Variants in DENND5A observed in about 807,000 individuals in gnomAD.
DENND5A encodes the protein DENN domain-containing protein 5A.
In DENND5A, 64 loss-of-function variants were observed where a neutral mutation model predicts 140.3. The observed-to-expected ratio is 0.46, with a 90% confidence interval of 0.37 to 0.56. The LOEUF (loss-of-function observed/expected upper bound fraction) is 0.56. DENND5A is among the 20% of genes least tolerant of loss of function. DENND5A has a pLI of 0.00. For synonymous variants in DENND5A, 605 were observed against 607.7 expected (o/e 1.00, Z 0.07); for missense variants, 1,292 against 1,593.8 (o/e 0.81, Z 3.22).
chr11:9,164,731 A>G (rs1166838086), intron 11 of DENND5A, among the ~76,000 whole-genome samples: 2 of 152,208 alleles, frequency 1.3e-5, no homozygotes, highest in East Asian at 1.9e-4. Context: ...TAGATATAAG[A>G]TATCATTGCT....
intron 8 of DENND5A, among the ~76,000 whole-genome samples, chr11:9,174,473 A>G (rs1325735691): frequency 1.3e-5 from 2 of 150,888 alleles, no homozygotes; most frequent in Non-Finnish European, 3.0e-5. Flanking sequence ...GACAAAACAG[A>G]TTTCACAGTA....
At chr11:9,179,111 T>G in intron 6 of DENND5A, 38 bp from the exon 7 acceptor site, 1 of 1,572,642 alleles carries the variant, frequency 6.4e-7, no homozygotes, top group Non-Finnish European at 8.7e-7. Context: ...ACACATACAC[T>G]TTTTCCTTTT....
At chr11:9,264,660 C>T (rs895727726) in intron 1 of DENND5A, among the ~76,000 whole-genome samples, 7 of 152,098 alleles carry the variant, frequency 4.6e-5, no homozygotes, top group African/African-American at 1.7e-4. Flanking sequence ...ACAAGCTTTC[C>T]TTTATTTTAA....
At chr11:9,141,808 T>C (rs2136109756) in intron 22 of DENND5A, 132 bp downstream of exon 22, 1 of 746,336 alleles carries the variant, frequency 1.3e-6, no homozygotes, top group Non-Finnish European at 2.0e-6. Context: ...TCAGGGCTTC[T>C]AGGAAACCTT....
intron 1 of DENND5A, among the ~76,000 whole-genome samples, chr11:9,223,358 GT>G (rs1850395317): frequency 6.6e-6 from 1 of 151,868 alleles, no homozygotes; most frequent in African/African-American, 2.4e-5. Context: ...GGCCAACATG[GT>G]GAAAACCCCA....
chr11:9,234,178 CAAAA>C (rs11295091), intron 1 of DENND5A, among the ~76,000 whole-genome samples: 3 of 126,096 alleles, frequency 2.4e-5, no homozygotes, highest in Non-Finnish European at 3.4e-5. Context: ...AACTCCGTCT[CAAAA>C]AAAAAAAAAA....
intron 1 of DENND5A, among the ~76,000 whole-genome samples, chr11:9,226,651 G>A (rs1291149527): frequency 2.6e-5 from 4 of 152,056 alleles, no homozygotes; most frequent in Admixed American, 1.3e-4. Context: ...AAGCAGAGAT[G>A]CTAATTATAA....
intron 4 of DENND5A, among the ~76,000 whole-genome samples, chr11:9,201,473 C>T (rs781410790): frequency 6.6e-6 from 1 of 151,934 alleles, no homozygotes; most frequent in African/African-American, 2.4e-5. Flanking sequence ...GAGTTTGAGA[C>T]CAGCCTGGGC....
chr11:9,256,507 T>C (rs1472466560), intron 1 of DENND5A, among the ~76,000 whole-genome samples: 2 of 152,062 alleles, frequency 1.3e-5, no homozygotes, highest in Non-Finnish European at 2.9e-5. Context: ...CACTAATGGA[T>C]AAACAAATAA....
At chr11:9,244,655 C>A (rs1346375526) in intron 1 of DENND5A, among the ~76,000 whole-genome samples, 1 of 152,136 alleles carries the variant, frequency 6.6e-6, no homozygotes, top group Non-Finnish European at 1.5e-5. Context: ...AGGCATTAGC[C>A]ACCACGCTCA....
chr11:9,257,663 T>C lies in DENND5A; in HGVS notation c.109+7298A>G, dbSNP rs1269489304. Among the ~76,000 whole-genome samples, 40 of 151,308 alleles carry C rather than the reference T, an allele frequency of 2.6e-4. 1 individual carries two copies. The highest frequency in any genetic ancestry group is 8.7e-4 in the African/African-American group (36 of 41,268). ...CACCCGGCTAATTTTTTTGAATTTTTAGTAGAGACAGGGTTTCACCGTGTT... is the reference window on the plus strand; with the variant it reads ...CACCCGGCTAATTTTTTTGAATTTTCAGTAGAGACAGGGTTTCACCGTGTT... On this transcript the variant is annotated intron_variant, in intron 1 of 22. Transcript: ENST00000328194.
intron 1 of DENND5A, among the ~76,000 whole-genome samples, chr11:9,227,205 T>C (rs1850566160): frequency 7.3e-6 from 1 of 137,648 alleles, no homozygotes; most frequent in South Asian, 2.2e-4. Flanking sequence ...AATAAATAAA[T>C]AAATAAGCAA....
In DENND5A at chr11:9,204,264, G is replaced by A; in HGVS notation, c.345C>T (p.Pro115=). 1 of 1,613,784 alleles carries A rather than the reference G, an allele frequency of 6.2e-7. No individual in the cohort carries two copies. Among genetic ancestry groups the A allele is most frequent in the Non-Finnish European group, 8.5e-7 (1 of 1,180,002 alleles). ...TTGTGATAATAAAGGCATGGAATTG[G>A]GGCTCCCTGGGATCAGCCTGGGTCT... The part of the protein sequence containing the change: ...AFKTQADPRE[P]QFHAFIITRE... The change falls in exon 4 of 23, where the codon CCC becomes CCT. Residue 115 remains proline (P), a synonymous_variant. Coordinates refer to ENST00000328194, the MANE Select transcript of DENND5A (RefSeq NM_015213.4).
In DENND5A at chr11:9,194,931, C is replaced by G. The variant is rs186078606; in HGVS notation, c.950-1250G>C. ...ACGGGGTTTCACCACCTCGGCCAGGCTGGTCTCGAACTCCTAACCTTGTGA... is the reference window on the plus strand; with the variant it reads ...ACGGGGTTTCACCACCTCGGCCAGGGTGGTCTCGAACTCCTAACCTTGTGA... On this transcript the variant is annotated intron_variant, in intron 4 of 22. Coordinates refer to ENST00000328194, the MANE Select transcript of DENND5A (RefSeq NM_015213.4). Among the ~76,000 whole-genome samples the G allele has an allele frequency of 9.9e-3, 1,492 of 150,652 alleles. 12 individuals carry two copies. The highest frequency in any genetic ancestry group is 0.028 in the Middle Eastern group (8 of 290).
chr11:9,181,053 T>C lies in DENND5A; in HGVS notation c.1169A>G (p.His390Arg), dbSNP rs774668102. The C allele has an allele frequency of 6.2e-6, 10 of 1,613,926 alleles. No individual in the cohort carries two copies. The highest frequency in any genetic ancestry group is 2.7e-5 in the African/African-American group (2 of 74,892). Residue 390 changes from histidine to arginine, a missense_variant, in exon 6 of 23, where the codon CAC becomes CGC. Coordinates refer to ENST00000328194, the MANE Select transcript of DENND5A (RefSeq NM_015213.4). The stretch of plus-strand genomic sequence containing the variant: ...CAAGTCCTCTGGCAACTCAATGAAG[T>C]GGTTGTCAATGTCCACAAAGCAGAG... ...ANLCFVDIDN[H>R]FIELPEDLPQ...
chr11:9,157,874 G>A (rs1211461447), intron 12 of DENND5A, among the ~76,000 whole-genome samples: 2 of 152,138 alleles, frequency 1.3e-5, no homozygotes, highest in Non-Finnish European at 2.9e-5. Context: ...CATGGATTTG[G>A]ATTTCAGAAA....
intron 8 of DENND5A, among the ~76,000 whole-genome samples, chr11:9,172,828 T>C (rs1848415192): frequency 6.6e-6 from 1 of 152,130 alleles, no homozygotes; most frequent in South Asian, 2.1e-4. Flanking sequence ...TTATTTTTAT[T>C]TTTTTGAGAC....
intron 1 of DENND5A, among the ~76,000 whole-genome samples, chr11:9,258,464 T>G (rs1250758238): frequency 1.3e-5 from 2 of 152,194 alleles, no homozygotes; most frequent in African/African-American, 4.8e-5. Context: ...ACTCATCCTT[T>G]TTTATGGCTG....
intron 1 of DENND5A, among the ~76,000 whole-genome samples, chr11:9,233,602 C>T (rs1448996879): frequency 1.3e-5 from 2 of 151,772 alleles, no homozygotes; most frequent in African/African-American, 2.4e-5. Context: ...CCCAAAATAC[C>T]ATGATAGGTA....
Sources: gnomAD v4.1 joint callset for allele counts (sites outside exome capture counted in the v4.1 genomes callset) on GRCh38, gnomAD v4.1.1 for gene constraint, MANE v1.5 for transcripts, NCBI Gene and HGNC (gene_info 2026-07-23, HGNC 2026-07-21) for gene names.